Variants in ARHGAP24 observed in about 807,000 individuals in gnomAD.
ARHGAP24 encodes the protein rho GTPase-activating protein 24.
A neutral mutation model predicts 76.4 loss-of-function variants in ARHGAP24; 50 were observed. That is an observed-to-expected ratio of 0.65 (90% CI 0.52 to 0.83). ARHGAP24 has a LOEUF of 0.83. Among genes scored for constraint, ARHGAP24 ranks in the 40% least tolerant of loss-of-function variants. ARHGAP24 has a pLI of 0.00. For synonymous variants in ARHGAP24, 345 were observed against 323.3 expected, an observed-to-expected ratio of 1.07 and a Z score of -0.72; for missense variants, 930 against 914.2, an observed-to-expected ratio of 1.02 and a Z score of -0.22.
chr4:85,850,336 T>G (rs1486048880), intron 3 of ARHGAP24, among the ~76,000 whole-genome samples: 3 of 152,186 alleles, frequency 2.0e-5, no homozygotes, highest in Non-Finnish European at 4.4e-5. Flanking sequence ...GATTCTTCTC[T>G]CTTTTCTTCT....
At chr4:85,914,327 A>G (rs927393779) in intron 3 of ARHGAP24, among the ~76,000 whole-genome samples, 1 of 152,162 alleles carries the variant, frequency 6.6e-6, no homozygotes, top group African/African-American at 2.4e-5. Context: ...GTGGTTCTCA[A>G]ACTTTATGAT....
intron 3 of ARHGAP24, among the ~76,000 whole-genome samples, chr4:85,915,205 A>G (rs1055680493): frequency 1.2e-4 from 18 of 152,232 alleles, no homozygotes; most frequent in Non-Finnish European, 5.9e-5. Context: ...AATACATTAT[A>G]TCATTCTTAT....
intron 2 of ARHGAP24, among the ~76,000 whole-genome samples, chr4:85,696,688 C>G (rs151007144): frequency 6.6e-6 from 1 of 152,194 alleles, no homozygotes; most frequent in African/African-American, 2.4e-5. Flanking sequence ...ACAGACATAA[C>G]ATTCTTTCAA....
At chr4:85,836,908 G>A (rs559300395) in intron 3 of ARHGAP24, among the ~76,000 whole-genome samples, 6 of 152,282 alleles carry the variant, frequency 3.9e-5, no homozygotes, top group Admixed American at 3.9e-4. Flanking sequence ...TGTTTTGTTT[G>A]TACATTAAAG....
chr4:85,534,858 C>T (rs991281388), intron 1 of ARHGAP24, among the ~76,000 whole-genome samples: 2 of 150,896 alleles, frequency 1.3e-5, no homozygotes, highest in Non-Finnish European at 2.9e-5. Flanking sequence ...GGTGAACATG[C>T]TTGCTCTATC....
intron 2 of ARHGAP24, among the ~76,000 whole-genome samples, chr4:85,587,881 C>T (rs1237042144): frequency 1.3e-5 from 2 of 152,056 alleles, no homozygotes; most frequent in African/African-American, 4.8e-5. Context: ...AGCCATTTAA[C>T]AAGTAAGGAA....
At chr4:85,552,367 T>A (rs1230905467) in intron 1 of ARHGAP24, among the ~76,000 whole-genome samples, 3 of 152,206 alleles carry the variant, frequency 2.0e-5, no homozygotes, top group Admixed American at 6.5e-5. Context: ...TCTATTTTTG[T>A]TGAGCTGTGG....
At chr4:85,673,155 T>C (rs545110026) in intron 2 of ARHGAP24, among the ~76,000 whole-genome samples, 1 of 152,288 alleles carries the variant, frequency 6.6e-6, no homozygotes, top group East Asian at 1.9e-4. Flanking sequence ...GCAGCTGTGC[T>C]ACCCTGTTGC....
chr4:85,724,851 T>C (rs72656252), intron 3 of ARHGAP24, among the ~76,000 whole-genome samples: 37,356 of 151,988 alleles, frequency 0.25, 5,034 homozygotes, highest in East Asian at 0.36. Context: ...CTCTACTTGT[T>C]ATTCAAAGGG....
At chr4:85,927,611 T>C (rs1578397460) in intron 4 of ARHGAP24, among the ~76,000 whole-genome samples, 1 of 152,174 alleles carries the variant, frequency 6.6e-6, no homozygotes, top group South Asian at 2.1e-4. Flanking sequence ...TAATACTAAA[T>C]GAAAAGCACT....
intron 2 of ARHGAP24, among the ~76,000 whole-genome samples, chr4:85,701,387 C>T (rs915480134): frequency 1.4e-4 from 21 of 152,222 alleles, no homozygotes; most frequent in Non-Finnish European, 2.8e-4. Context: ...CACCTGAGCG[C>T]TGTACACTGC....
intron 4 of ARHGAP24, chr4:85,931,072 T>A (rs1390995502): frequency 6.4e-7 from 1 of 1,573,322 alleles, no homozygotes; most frequent in Non-Finnish European, 8.7e-7. Context: ...ATGTCCTTTT[T>A]ATAAATATAA....
At chr4:85,986,095 G>A (rs346471) in intron 8 of ARHGAP24, among the ~76,000 whole-genome samples, 53,923 of 151,954 alleles carry the variant, frequency 0.35, 9,749 homozygotes, top group East Asian at 0.52. Flanking sequence ...GAAAAACATG[G>A]AGACTGCTTT....
chr4:85,823,479 G>A (rs139945808), intron 3 of ARHGAP24, among the ~76,000 whole-genome samples: 1 of 152,238 alleles, frequency 6.6e-6, no homozygotes, highest in East Asian at 1.9e-4. Context: ...TTCAGTTGGT[G>A]GCAACAGGAG....
chr4:85,711,366 GAACTTAA>G (rs1234023503), intron 2 of ARHGAP24, among the ~76,000 whole-genome samples: 2 of 152,024 alleles, frequency 1.3e-5, no homozygotes, highest in African/African-American at 2.4e-5. Context: ...ACGTACCCCT[GAACTTAA>G]AACTTAAAAA....
chr4:85,530,066 AAGTATTACTTTTCAGTTCTATTACAAAAC>A (rs1725196164), intron 1 of ARHGAP24, among the ~76,000 whole-genome samples: 1 of 151,996 alleles, frequency 6.6e-6, no homozygotes, highest in African/African-American at 2.4e-5. Context: ...TCTATGGTGA[AAGTATTACTTTTCAGTTCTATTACAAAAC>A]AGATGTACTC....
In ARHGAP24 at chr4:85,557,234, G is replaced by C. The variant is rs1448794624; in HGVS notation, c.-20-13288G>C. ...GCAAGGTGCAGTGGAGGCATGGCTT[G>C]CAGTCCATCACTGCTCAGCTGTGGA... On this transcript the variant is annotated intron_variant, in intron 1 of 9. Transcript: ENST00000395184. Among the ~76,000 whole-genome samples, 8 of 119,418 alleles carry C rather than the reference G, an allele frequency of 6.7e-5. No individual in the cohort carries two copies. The South Asian group carries it at 1.5e-3, about 22-fold the overall frequency. The allele number at this position is 119,418 out of a possible 152,430, so 78.3% of individuals were successfully genotyped here.
intron 3 of ARHGAP24, among the ~76,000 whole-genome samples, chr4:85,758,861 C>A (rs1726628380): frequency 6.6e-6 from 1 of 152,084 alleles, no homozygotes; most frequent in South Asian, 2.1e-4. Flanking sequence ...GTAAATCACC[C>A]CAGGACCGTT....
intron 3 of ARHGAP24, among the ~76,000 whole-genome samples, chr4:85,732,838 C>CCCAGCTACCA (rs1450289981): frequency 8.6e-5 from 13 of 150,938 alleles, no homozygotes; most frequent in African/African-American, 2.4e-4. Context: ...GGATTACAGG[C>CCCAGCTACCA]ATGTGCCACC....
Sources: allele counts gnomAD v4.1 joint callset (sites outside exome capture counted in the v4.1 genomes callset), GRCh38; gene constraint gnomAD v4.1.1; transcripts MANE v1.5; gene names NCBI Gene and HGNC (gene_info 2026-07-23, HGNC 2026-07-21).